Variants in DENND2B observed in about 807,000 individuals in gnomAD.
The protein encoded by DENND2B is DENN domain-containing protein 2B.
Under a neutral mutation model 116.0 loss-of-function variants are expected in DENND2B, and 32 were observed. The observed-to-expected ratio is 0.28, with a 90% CI of 0.21 to 0.37. The LOEUF (loss-of-function observed/expected upper bound fraction) is 0.37. DENND2B is among the 10% of genes least tolerant of loss of function. The pLI, the probability that DENND2B is intolerant of heterozygous loss-of-function variation, is 1.00. For missense variants in DENND2B, 1,276 were observed against 1,477.7 expected (o/e 0.86, Z 2.24); for synonymous variants, 588 against 583.9 (o/e 1.01, Z -0.10).
intron 5 of DENND2B, 93 bp from the exon 6 acceptor site, chr11:8,715,911 C>T (rs972149851): frequency 3.8e-5 from 47 of 1,229,240 alleles, no homozygotes; most frequent in Middle Eastern, 2.8e-4. Context: ...GGCCAAGGGC[C>T]GGCATCCCTG....
Position 8,726,197 on chromosome 11 carries a change from C to A in DENND2B, c.1353G>T (p.Glu451Asp). Reference protein sequence around the residue: ...HRKSQSRKSFEFEDASSLQSL... With the variant: ...HRKSQSRKSFDFEDASSLQSL... ...ACTGGAGACTGGATGCATCCTCAAA[C>A]TCAAAGGATTTTCTGTGGATAACAA... The change falls in exon 4 of 20, where the codon GAG (glutamate) becomes GAT (aspartate). Residue 451 changes from glutamate (E) to aspartate (D), a missense_variant. Around this residue, in one of 2 missense-constraint regions of DENND2B, gnomAD observed 856 missense variants for 846.6 expected, o/e 1.01. Coordinates refer to ENST00000313726, the MANE Select transcript of DENND2B (RefSeq NM_213618.2). 6.2e-7 allele frequency: 1 copy of A among 1,609,758 alleles called. No homozygotes were observed. Among genetic ancestry groups the A allele is most frequent in the Non-Finnish European group, 8.5e-7 (1 of 1,178,108 alleles).
chr11:8,846,328 T>G (rs574751831), intron 3 of DENND2B, among the ~76,000 whole-genome samples: 8 of 152,232 alleles, frequency 5.3e-5, no homozygotes, highest in African/African-American at 1.9e-4. Flanking sequence ...GCTGGTGACA[T>G]TGGAAGGAAG....
At chr11:8,804,258 T>C (rs970431007) in intron 1 of DENND2B, among the ~76,000 whole-genome samples, 1 of 152,204 alleles carries the variant, frequency 6.6e-6, no homozygotes, top group African/African-American at 2.4e-5. Context: ...AGGGCAGTCC[T>C]CCTTGGCTGC....
upstream of DENND2B, among the ~76,000 whole-genome samples, chr11:8,872,638 CTT>C (rs1301228042): frequency 2.6e-5 from 4 of 152,132 alleles, no homozygotes; most frequent in Admixed American, 6.5e-5. Flanking sequence ...AGTATTAACT[CTT>C]TGTCTCCAAA....
At chr11:8,788,257 G>T (rs1317210541) in intron 1 of DENND2B, among the ~76,000 whole-genome samples, 4 of 152,088 alleles carry the variant, frequency 2.6e-5, no homozygotes, top group Non-Finnish European at 5.9e-5. Flanking sequence ...ACTATGCAAA[G>T]GGATCCCTCA....
intron 1 of DENND2B, among the ~76,000 whole-genome samples, chr11:8,751,224 G>T (rs937212477): frequency 2.0e-5 from 3 of 152,024 alleles, no homozygotes; most frequent in Non-Finnish European, 2.9e-5. Context: ...TAATCTAGTG[G>T]GGAGGTGGAG....
intron 2 of DENND2B, among the ~76,000 whole-genome samples, chr11:8,739,791 CAG>C (rs1244180013): frequency 3.3e-5 from 5 of 152,156 alleles, no homozygotes; most frequent in African/African-American, 1.2e-4. Context: ...TTAAAAGAAA[CAG>C]AGCACCATAA....
intron 2 of DENND2B, among the ~76,000 whole-genome samples, chr11:8,859,685 T>C (rs1170589674): frequency 6.6e-6 from 1 of 152,190 alleles, no homozygotes; most frequent in African/African-American, 2.4e-5. Context: ...TATACTTCCT[T>C]TTAAAACAAA....
intron 2 of DENND2B, among the ~76,000 whole-genome samples, chr11:8,859,042 C>G (rs990215736): frequency 6.6e-6 from 1 of 152,146 alleles, no homozygotes; most frequent in Non-Finnish European, 1.5e-5. Context: ...AGCCCTTGGG[C>G]GCTCCAAAAG....
At chr11:8,779,506 CTTTCTTTCTTTTTTTT>C (rs2058126651) in intron 1 of DENND2B, among the ~76,000 whole-genome samples, 1 of 115,208 alleles carries the variant, frequency 8.7e-6, no homozygotes, top group African/African-American at 3.1e-5. Flanking sequence ...TTCTTTCTTT[CTTTCTTTCTTTTTTTT>C]TTTTTTTGAG....
At chr11:8,824,028 C>T (rs1278968791) in intron 4 of DENND2B, among the ~76,000 whole-genome samples, 2 of 151,664 alleles carry the variant, frequency 1.3e-5, no homozygotes, top group East Asian at 3.9e-4. Flanking sequence ...TCAGGCTCCC[C>T]AGTAGCTGGG....
chr11:8,704,093 T>G (rs945490871), intron 13 of DENND2B, among the ~76,000 whole-genome samples: 1 of 152,186 alleles, frequency 6.6e-6, no homozygotes, highest in Non-Finnish European at 1.5e-5. Context: ...TCACACAGGC[T>G]GCTCCCACTC....
At chr11:8,891,209 C>A (rs2064028074) in intron 1 of DENND2B, among the ~76,000 whole-genome samples, 1 of 152,120 alleles carries the variant, frequency 6.6e-6, no homozygotes, top group South Asian at 2.1e-4. Flanking sequence ...TTGTCACCAC[C>A]AGGCCTGCCC....
chr11:8,717,956 C>T (rs1047748033), intron 4 of DENND2B, 64 bp from the exon 5 acceptor site: 7 of 1,561,090 alleles, frequency 4.5e-6, no homozygotes, highest in Non-Finnish European at 6.1e-6. Context: ...AACTCACACA[C>T]ACACAAATAA....
chr11:8,766,142 G>C (rs560876463), intron 1 of DENND2B, among the ~76,000 whole-genome samples: 125 of 152,226 alleles, frequency 8.2e-4, no homozygotes, highest in South Asian at 1.2e-3. Flanking sequence ...AAGAAAGTTT[G>C]GGAGTCTCTG....
chr11:8,718,415 G>A (rs752103793), intron 4 of DENND2B: 5 of 1,529,280 alleles, frequency 3.3e-6, no homozygotes, highest in South Asian at 2.4e-5. Flanking sequence ...GCTTCGCCAG[G>A]CCCCCTTCTC....
chr11:8,750,571 C>T (rs367651037), intron 2 of DENND2B, 50 bp downstream of exon 2: 2 of 1,516,146 alleles, frequency 1.3e-6, no homozygotes, highest in African/African-American at 1.4e-5. Context: ...GGATCCCACC[C>T]AGGACCTAGG....
intron 4 of DENND2B, among the ~76,000 whole-genome samples, chr11:8,820,833 T>C (rs1410332101): frequency 6.6e-6 from 1 of 152,130 alleles, no homozygotes; most frequent in Non-Finnish European, 1.5e-5. Context: ...TTGTAAGAGA[T>C]GACTATGGCT....
chr11:8,893,934 T>C (rs961185122), intron 1 of DENND2B, among the ~76,000 whole-genome samples: 4 of 151,954 alleles, frequency 2.6e-5, no homozygotes, highest in Non-Finnish European at 4.4e-5. Flanking sequence ...GAGCCCACAT[T>C]GCCAAGTCAA....
Sources: gnomAD v4.1 joint callset for allele counts (sites outside exome capture counted in the v4.1 genomes callset) on GRCh38, gnomAD v4.1.1 for gene constraint, gnomAD v4.1.1 regional missense constraint, MANE v1.5 for transcripts, NCBI Gene and HGNC (gene_info 2026-07-23, HGNC 2026-07-21) for gene names.